ITPK1: variants seen among roughly 807,000 people sequenced by gnomAD.
The protein encoded by ITPK1 is inositol-tetrakisphosphate 1-kinase.
ITPK1 carries 21 observed loss-of-function variants against 45.3 expected under a neutral mutation model. The ratio of observed to expected loss-of-function variants is 0.46; its 90% CI spans 0.33 to 0.67. The LOEUF (loss-of-function observed/expected upper bound fraction) is 0.67, where lower values mean the gene tolerates loss of function less well. Ranked by LOEUF, ITPK1 falls within the 30% of genes least tolerant of loss-of-function variation. The pLI is 0.02. For missense variants in ITPK1, 474 were observed against 573.5 expected (o/e 0.83, Z 1.77); for synonymous variants, 258 against 253.6 (o/e 1.02, Z -0.16).
Position 93,107,625 on chromosome 14 carries a change from C to T in ITPK1, c.95+7444G>A, listed in dbSNP as rs74362392. Among the ~76,000 whole-genome samples the T allele has an allele frequency of 6.7e-3, 1,014 of 152,246 alleles. 12 individuals carry two copies. The highest frequency in any genetic ancestry group is 0.024 in the African/African-American group (979 of 41,518). ...AATTAACAGGGTGGGGCACCCAGCA[C>T]TCAAGGGCCTGGAGGGGTGGGGGGA... On this transcript the variant is annotated intron_variant, in intron 2 of 10. Transcript: ENST00000267615.
At chr14:93,094,070 T>G (rs553978420) in intron 2 of ITPK1, among the ~76,000 whole-genome samples, 1 of 152,316 alleles carries the variant, frequency 6.6e-6, no homozygotes, top group African/African-American at 2.4e-5. Flanking sequence ...AGGGAGGGTC[T>G]GGGGGCATCC....
intron 9 of ITPK1, among the ~76,000 whole-genome samples, chr14:92,948,053 C>A (rs1442326742): frequency 6.6e-6 from 1 of 152,174 alleles, no homozygotes; most frequent in Non-Finnish European, 1.5e-5. Flanking sequence ...AGCGGAGGAA[C>A]CCTGAATACA....
chr14:92,974,594 C>T (rs1417539585), intron 5 of ITPK1, among the ~76,000 whole-genome samples: 1 of 152,224 alleles, frequency 6.6e-6, no homozygotes, highest in African/African-American at 2.4e-5. Flanking sequence ...ATCCAAGGTG[C>T]ACAGTCTCAG....
intron 2 of ITPK1, among the ~76,000 whole-genome samples, chr14:93,104,041 T>C (rs1892427591): frequency 6.6e-6 from 1 of 152,102 alleles, no homozygotes; most frequent in African/African-American, 2.4e-5. Flanking sequence ...GGGGGAATCC[T>C]ATCATTTGGC....
At chr14:93,003,177 T>C (rs1427427789) in intron 4 of ITPK1, among the ~76,000 whole-genome samples, 2 of 152,030 alleles carry the variant, frequency 1.3e-5, no homozygotes, top group Non-Finnish European at 2.9e-5. Flanking sequence ...CAAGAGCAGT[T>C]GTACTTTCGA....
At chr14:92,971,946 G>C (rs1885678783) in intron 5 of ITPK1, among the ~76,000 whole-genome samples, 1 of 152,130 alleles carries the variant, frequency 6.6e-6, no homozygotes, top group Non-Finnish European at 1.5e-5. Context: ...TGCCCTCCTG[G>C]GACACTGATG....
chr14:92,938,724 G>C lies in ITPK1; in HGVS notation c.*2837C>G. 1 of 603,252 alleles carries C rather than the reference G, an allele frequency of 1.7e-6. No homozygotes were observed. The highest frequency in any genetic ancestry group is 3.0e-6 in the Non-Finnish European group (1 of 338,394). The allele number at this position is 603,252 out of a possible 1,614,324, so 37.4% of individuals were successfully genotyped here. On this transcript the variant is annotated 3_prime_UTR_variant, in exon 11 of 11. Transcript: ENST00000267615. ...ACCCAGACACCTCCATGACACCAAGGGCAAAGCACCAGTTCCAGGGTGGCC... is the reference window on the plus strand; with the variant it reads ...ACCCAGACACCTCCATGACACCAAGCGCAAAGCACCAGTTCCAGGGTGGCC...
In ITPK1 at chr14:93,034,195, A is replaced by G. The variant is rs940536965; in HGVS notation, c.121-17394T>C. ...CCCACATCCTGCCCCCAGCACACTG[A>G]ACTGGGAGGTGGCTTCAGCCACACA... On this transcript the variant is annotated intron_variant, in intron 3 of 10. Transcript: ENST00000267615. This position sits in a 1 kb window ranked among gnomAD's most constrained non-coding sequence, Gnocchi z 4.1. 6.3e-5 allele frequency among the ~76,000 whole-genome samples: 9 copies of G among 142,478 alleles called. No homozygotes were observed. Among genetic ancestry groups the G allele is most frequent in the African/African-American group, 1.6e-4 (6 of 38,308 alleles). 93.5% of individuals were successfully genotyped at this position (142,478 alleles called of 152,430 possible).
chr14:92,948,064 T>G (rs1887770369), intron 9 of ITPK1, among the ~76,000 whole-genome samples: 1 of 152,156 alleles, frequency 6.6e-6, no homozygotes, highest in Non-Finnish European at 1.5e-5. Context: ...CCTGAATACA[T>G]CATGCTGAGT....
chr14:93,009,128 C>T (rs949473368), intron 4 of ITPK1, among the ~76,000 whole-genome samples: 1 of 152,246 alleles, frequency 6.6e-6, no homozygotes, highest in East Asian at 1.9e-4. Context: ...GCCGGGAAGG[C>T]AACTAAGCAC....
At chr14:93,089,390 G>A (rs1416387630) in intron 2 of ITPK1, among the ~76,000 whole-genome samples, 1 of 152,146 alleles carries the variant, frequency 6.6e-6, no homozygotes, top group African/African-American at 2.4e-5. Flanking sequence ...CCAGGCAGAA[G>A]GAACCCTTCC....
intron 3 of ITPK1, among the ~76,000 whole-genome samples, chr14:93,072,362 T>C (rs1428911208): frequency 2.6e-5 from 4 of 151,864 alleles, no homozygotes; most frequent in Non-Finnish European, 4.4e-5. Flanking sequence ...AAAATACATC[T>C]ATACAATGAA....
intron 3 of ITPK1, among the ~76,000 whole-genome samples, chr14:93,017,229 C>T (rs761462901): frequency 2.3e-4 from 35 of 152,198 alleles, no homozygotes; most frequent in Admixed American, 6.5e-5. Context: ...TGACTAACAT[C>T]GCACAGCCAG....
intron 2 of ITPK1, among the ~76,000 whole-genome samples, chr14:93,082,350 C>A (rs1165956567): frequency 6.6e-6 from 1 of 152,172 alleles, no homozygotes; most frequent in African/African-American, 2.4e-5. Flanking sequence ...CTGAGCTTCG[C>A]AGCATTCAGA....
At position 93,114,042 on chromosome 14, in the gene ITPK1, G is replaced by C. The variant is rs141037645; in HGVS notation, c.95+1027C>G. 2.6e-3 allele frequency among the ~76,000 whole-genome samples: 390 copies of C among 152,314 alleles called. 2 individuals carry two copies. Among genetic ancestry groups the C allele is most frequent in the African/African-American group, 8.9e-3 (369 of 41,564 alleles). ...ACTGTTCAATTCTCCAAGATGTGTG[G>C]GGCCCCCACAGGGACAAAAATGCAA... is the stretch of plus-strand genomic sequence containing the variant. On this transcript the variant is annotated intron_variant, in intron 2 of 10. Coordinates refer to ENST00000267615, the MANE Select transcript of ITPK1 (RefSeq NM_014216.6).
At position 93,036,112 on chromosome 14, in the gene ITPK1, G is replaced by A. The variant is rs574360943; in HGVS notation, c.121-19311C>T. 1.3e-4 allele frequency among the ~76,000 whole-genome samples: 20 copies of A among 152,302 alleles called. No individual in the cohort carries two copies. Among genetic ancestry groups the A allele is most frequent in the South Asian group, 1.0e-3 (5 of 4,830 alleles). ...AAAGGGCTACGAAAGCAATGGTGGC[G>A]TCAGTGAGACCTGCCCCTCCCCAGG... On this transcript the variant is annotated intron_variant, in intron 3 of 10. Transcript: ENST00000267615. This position sits in a 1 kb window ranked among gnomAD's most constrained non-coding sequence, Gnocchi z 4.1.
intron 2 of ITPK1, among the ~76,000 whole-genome samples, chr14:93,111,148 G>T (rs1200818590): frequency 6.6e-6 from 1 of 152,060 alleles, no homozygotes; most frequent in East Asian, 1.9e-4. Flanking sequence ...GACAGATAAG[G>T]TTCACCCAAA....
chr14:93,090,404 C>T (rs1030652822), intron 2 of ITPK1, among the ~76,000 whole-genome samples: 1 of 152,144 alleles, frequency 6.6e-6, no homozygotes, highest in African/African-American at 2.4e-5. Flanking sequence ...GTGGTCAGAT[C>T]GAGACCTGAA....
intron 6 of ITPK1, 50 bp downstream of exon 6, chr14:92,962,701 G>T: frequency 7.3e-7 from 1 of 1,372,048 alleles, no homozygotes; most frequent in Non-Finnish European, 1.0e-6. Context: ...CCCTATGCTG[G>T]CCTGCGGTCT....
Sources: allele counts gnomAD v4.1 joint callset (sites outside exome capture counted in the v4.1 genomes callset), GRCh38; gene constraint gnomAD v4.1.1; non-coding constraint Gnocchi (gnomAD v3.1); transcripts MANE v1.5; gene names NCBI Gene and HGNC (gene_info 2026-07-23, HGNC 2026-07-21).